Variants in SLC26A6 observed in about 807,000 individuals in gnomAD.
The protein encoded by SLC26A6 is solute carrier family 26 member 6, also known as anion exchange transporter.
In SLC26A6, 67 loss-of-function variants were observed where a neutral mutation model predicts 87.1. That is an observed-to-expected ratio of 0.77 (90% CI 0.63 to 0.94). The LOEUF is 0.94. SLC26A6 is among the 40% of genes least tolerant of loss of function. SLC26A6 has a pLI of 0.00. For missense variants in SLC26A6, 902 were observed against 973.0 expected, an observed-to-expected ratio of 0.93 and a Z score of 0.97; for synonymous variants, 414 against 405.9, an observed-to-expected ratio of 1.02 and a Z score of -0.24.
chr3:48,630,010 C>T (rs779857122), intron 12 of SLC26A6, 32 bp from the exon 13 acceptor site: 17 of 1,613,798 alleles, frequency 1.1e-5, no homozygotes, highest in African/African-American at 8.0e-5. Flanking sequence ...TGGAGGGCGG[C>T]GAGGAGCCAT....
chr3:48,626,142 C>T, intron 20 of SLC26A6, 76 bp downstream of exon 20: 1 of 1,610,520 alleles, frequency 6.2e-7, no homozygotes, highest in Non-Finnish European at 8.5e-7. Context: ...AGGAAAGACT[C>T]CCTGGAGCTG....
rs539908940 is a variant in SLC26A6, at chr3:48,634,674, G to A, written c.23+697C>T. The A allele has an allele frequency of 3.1e-6, 3 of 970,760 alleles. No homozygotes were observed. In the African/African-American group the frequency reaches 5.3e-5, roughly 17 times the overall value. The allele number at this position is 970,760 out of a possible 1,614,324, so 60.1% of individuals were successfully genotyped here. On this transcript the variant is annotated intron_variant, in intron 1 of 20. Transcript: ENST00000395550. ...AGCTTTCACCAGTCAGGAAAGTTCT[G>A]ATCTAGGAAAAGCCCTGACCTGGGG... is the stretch of plus-strand genomic sequence containing the variant.
At chr3:48,626,602 G>T in intron 19 of SLC26A6, 29 bp downstream of exon 19, 1 of 1,613,930 alleles carries the variant, frequency 6.2e-7, no homozygotes. Flanking sequence ...CTCTTCCCAG[G>T]TCCCTCCTGC....
Position 48,633,590 on chromosome 3 carries a change from G to T in SLC26A6, c.69C>A (p.Asp23Glu), listed in dbSNP as rs769156070. ...QALLSATQAM[D>E]LRRRDYHMER... ...CCATGTGGTAGTCTCGCCTCCGCAGGTCCATTGCTTGTGTTGCAGACAGCA... is the reference window on the plus strand; with the variant it reads ...CCATGTGGTAGTCTCGCCTCCGCAGTTCCATTGCTTGTGTTGCAGACAGCA... The change falls in exon 2 of 21, where the codon GAC becomes GAA. Residue 23 changes from aspartate (D) to glutamate (E), a missense_variant. By Grantham distance (45) the Asp-to-Glu change is conservative. Coordinates refer to ENST00000395550, the MANE Select transcript of SLC26A6 (RefSeq NM_022911.3). 6.2e-7 allele frequency: 1 copy of T among 1,613,546 alleles called. No individual in the cohort carries two copies. Among genetic ancestry groups the T allele is most frequent in the East Asian group, 2.2e-5 (1 of 44,886 alleles).
In SLC26A6 at chr3:48,633,567, A is replaced by G; in HGVS notation, c.92T>C (p.Met31Thr). The change falls in exon 2 of 21, where the codon ATG becomes ACG. Residue 31 changes from methionine to threonine, a missense_variant. Met to Thr is a moderately conservative substitution (Grantham distance 81). This residue lies in a region of SLC26A6 where 800 missense variants were observed against 856.8 expected (regional missense o/e 0.93). Transcript: ENST00000395550. ...CTCCTGGTTCAGCAGCGGCCGTTCC[A>G]TGTGGTAGTCTCGCCTCCGCAGGTC... ...AMDLRRRDYH[M>T]ERPLLNQEHL... The G allele has an allele frequency of 6.2e-7, 1 of 1,613,524 alleles. No individual in the cohort carries two copies. The highest frequency in any genetic ancestry group is 8.5e-7 in the Non-Finnish European group (1 of 1,179,986).
chr3:48,630,037 T>A, intron 12 of SLC26A6, 25 bp downstream of exon 12: 1 of 1,613,492 alleles, frequency 6.2e-7, no homozygotes, highest in East Asian at 2.2e-5. Flanking sequence ...GCCCAGTCCC[T>A]GCCCTGGGCT....
At chr3:48,630,283 G>T in intron 11 of SLC26A6, 126 bp from the exon 12 acceptor site, 1 of 1,309,302 alleles carries the variant, frequency 7.6e-7, no homozygotes, top group Non-Finnish European at 1.1e-6. Context: ...CCCCCACCCA[G>T]CCCCTGACCC....
intron 6 of SLC26A6, 31 bp downstream of exon 6, chr3:48,631,849 C>T: frequency 1.9e-6 from 3 of 1,613,196 alleles, no homozygotes; most frequent in South Asian, 1.1e-5. Context: ...ATGGGGCACA[C>T]CTACCCCTCC....
Position 48,628,547 on chromosome 3 carries a change from G to C in SLC26A6, c.1693-6C>G, listed in dbSNP as rs1016705140. The C allele has an allele frequency of 6.2e-7, 1 of 1,613,956 alleles. No homozygotes were observed. The highest frequency in any genetic ancestry group is 1.3e-5 in the African/African-American group (1 of 74,910). On this transcript the variant is annotated splice_region_variant and splice_polypyrimidine_tract_variant and intron_variant, in intron 15 of 20. Transcript: ENST00000395550. The surrounding 1 kb of genome is among the most constrained non-coding windows in gnomAD (Gnocchi z 4.4). ...AAGTCGACATCCACACCACACTGGA[G>C]GCAAACATCAGAGAAGGGTTGGTGA...
At position 48,633,015 on chromosome 3, in the gene SLC26A6, A is replaced by C. The variant is rs746347987; in HGVS notation, c.392T>G (p.Phe131Cys). ...GGAAGTGCCAAACAGGAAGTAGATG[A>C]AGACAGGGTAGAAGGAGCTATAGAG... ...FGLYSSFYPV[F>C]IYFLFGTSRH... The change falls in exon 4 of 21, where the codon TTC becomes TGC. Residue 131 changes from phenylalanine to cysteine, a missense_variant. Phe to Cys is a radical substitution (Grantham distance 205, BLOSUM62 -2). This residue lies in a region of SLC26A6 where 800 missense variants were observed against 856.8 expected (regional missense o/e 0.93). Coordinates refer to ENST00000395550, the MANE Select transcript of SLC26A6 (RefSeq NM_022911.3). The C allele has an allele frequency of 7.4e-6, 12 of 1,613,590 alleles. No homozygotes were observed. The African/African-American group carries it at 1.6e-4, about 22-fold the overall frequency.
rs1275717732 is a variant in SLC26A6, at chr3:48,629,546, C to CCCCA, written c.1599+92_1599+95dup. ...AGACCAAAGCCAAAGTATCCTCAGC[C>CCCCA]CCCAGTTCCCTGGCCAAGTGTGGAA... On this transcript the variant is annotated intron_variant, in intron 14 of 20. Transcript: ENST00000395550. 4 of 1,353,484 alleles carry CCCCA rather than the reference C, an allele frequency of 3.0e-6. No individual in the cohort carries two copies. In the African/African-American group the frequency reaches 4.4e-5, roughly 15 times the overall value. 83.8% of individuals were successfully genotyped at this position (1,353,484 alleles called of 1,614,324 possible).
At chr3:48,633,833 G>A (rs1284656294) in intron 1 of SLC26A6, 198 bp from the exon 2 acceptor site, 1 of 1,432,630 alleles carries the variant, frequency 7.0e-7, no homozygotes, top group Non-Finnish European at 9.1e-7. Flanking sequence ...TTTGGCTGGT[G>A]AGAAAGCCTC....
Position 48,628,401 on chromosome 3 carries a change from G to C in SLC26A6, c.1800+33C>G, listed in dbSNP as rs759719537. 1 of 1,612,760 alleles carries C rather than the reference G, an allele frequency of 6.2e-7. No individual in the cohort carries two copies. Among genetic ancestry groups the C allele is most frequent in the Admixed American group, 1.7e-5 (1 of 59,960 alleles). On this transcript the variant is annotated intron_variant, in intron 16 of 20. Transcript: ENST00000395550. This position sits in a 1 kb window ranked among gnomAD's most constrained non-coding sequence, Gnocchi z 4.4. ...GGCTGGGGCAGGGAACAGGGGGCAG[G>C]AGATGGGGGTCACCAGACAAAAGGG...
rs1235575951 is a variant in SLC26A6 at position 48,631,930 on chromosome 3, C to T, written c.700G>A (p.Val234Met). 16 of 1,613,536 alleles carry T rather than the reference C, an allele frequency of 9.9e-6. No homozygotes were observed. The highest frequency in any genetic ancestry group is 1.3e-5 in the African/African-American group (1 of 75,044). ...TGGCTGCTCAGATGGAGGCCAAACA[C>T]ATACTTGAGCTGTGAGACGAAGACC... ...VQVFVSQLKYVFGLHLSSHSG... is the reference protein window; with the variant it reads ...VQVFVSQLKYMFGLHLSSHSG... Residue 234 changes from valine to methionine, a missense_variant, in exon 6 of 21, where the codon GTG (valine) becomes ATG (methionine). Val to Met is a conservative substitution (Grantham distance 21). Transcript: ENST00000395550.
At position 48,633,096 on chromosome 3, in the gene SLC26A6, A is replaced by G; in HGVS notation, c.323-12T>C. On this transcript the variant is annotated splice_polypyrimidine_tract_variant and intron_variant, in intron 3 of 20. Coordinates refer to ENST00000395550, the MANE Select transcript of SLC26A6 (RefSeq NM_022911.3). ...GGCGTAGGCCAAGCCTAGGGGTAGA[A>G]TGGTAGCAGTGCAGGCCTGGAGAGC... 6.2e-7 allele frequency: 1 copy of G among 1,608,874 alleles called. No individual in the cohort carries two copies. The highest frequency in any genetic ancestry group is 1.1e-5 in the South Asian group (1 of 90,124).
In SLC26A6 at chr3:48,625,860, CCT is replaced by C. The variant is rs1017941143; in HGVS notation, c.*124_*125del. On this transcript the variant is annotated 3_prime_UTR_variant, in exon 21 of 21. Transcript: ENST00000395550. The surrounding 1 kb of genome is among the most constrained non-coding windows in gnomAD (Gnocchi z 4.7). ...AACTTGGAGTCCCAGGACCTCCTTC[CCT>C]GAGTTGTGTGTGTGTACATGGAGGG... 2.7e-5 allele frequency: 34 copies of C among 1,277,238 alleles called. No individual in the cohort carries two copies. In the African/African-American group the frequency reaches 4.8e-4, roughly 18 times the overall value. The allele number at this position is 1,277,238 out of a possible 1,614,324, so 79.1% of individuals were successfully genotyped here. A position where few individuals can be genotyped will look rare whatever the true frequency, so the allele number is the denominator to read the frequency against.
rs2046743611 is a variant in SLC26A6 at position 48,630,140 on chromosome 3, G to C, written c.1344C>G (p.Ile448Met). Residue 448 changes from isoleucine to methionine, a missense_variant, in exon 12 of 21, where the codon ATC (isoleucine) becomes ATG (methionine). Around this residue, in one of 3 missense-constraint regions of SLC26A6, gnomAD observed 800 missense variants for 856.8 expected, o/e 0.93. Coordinates refer to ENST00000395550, the MANE Select transcript of SLC26A6 (RefSeq NM_022911.3). ...HDLPKAVLAA[I>M]IIVNLKGMLR... Reference sequence around the variant, plus strand: ...GCATGCCCTTCAGGTTCACAATGATGATGGCTGCCAGGACCGCCTGGGGTG... The same window carrying C: ...GCATGCCCTTCAGGTTCACAATGATCATGGCTGCCAGGACCGCCTGGGGTG... The C allele has an allele frequency of 6.2e-7, 1 of 1,608,784 alleles. No homozygotes were observed. The highest frequency in any genetic ancestry group is 1.1e-5 in the South Asian group (1 of 91,040).
intron 4 of SLC26A6, 119 bp from the exon 5 acceptor site, chr3:48,632,515 G>T: frequency 1.4e-6 from 2 of 1,391,492 alleles, no homozygotes; most frequent in Non-Finnish European, 2.0e-6. Context: ...TCAGATTATG[G>T]CTGCATGAAC....
chr3:48,634,517 T>TG (rs2046899859), intron 1 of SLC26A6, among the ~76,000 whole-genome samples: 1 of 152,152 alleles, frequency 6.6e-6, no homozygotes, highest in Admixed American at 6.5e-5. Context: ...GGTTCTCACC[T>TG]GGGGGGTACT....
Sources: gnomAD v4.1 joint callset for allele counts (sites outside exome capture counted in the v4.1 genomes callset) on GRCh38, gnomAD v4.1.1 for gene constraint, gnomAD v4.1.1 regional missense constraint, Gnocchi (gnomAD v3.1) non-coding constraint, MANE v1.5 for transcripts, NCBI Gene and HGNC (gene_info 2026-07-23, HGNC 2026-07-21) for gene names.